Variants in MACROD2 observed in about 807,000 individuals in gnomAD.
MACROD2 encodes mono-ADP ribosylhydrolase 2.
Under a neutral mutation model 70.4 loss-of-function variants are expected in MACROD2, and 36 were observed. The observed-to-expected ratio is 0.51, with a 90% CI of 0.39 to 0.68. MACROD2 has a LOEUF of 0.68. Among genes scored for constraint, MACROD2 ranks in the 30% least tolerant of loss-of-function variants. The pLI, the probability that MACROD2 is intolerant of heterozygous loss-of-function variation, is 0.00. For missense variants in MACROD2, 496 were observed against 538.4 expected, an observed-to-expected ratio of 0.92 and a Z score of 0.78; for synonymous variants, 172 against 178.8, an observed-to-expected ratio of 0.96 and a Z score of 0.30.
chr20:15,463,527 A>G lies in MACROD2; in HGVS notation c.571+32092A>G, dbSNP rs2046845740. On this transcript the variant is annotated intron_variant, in intron 7 of 17. Coordinates refer to ENST00000684519, the MANE Select transcript of MACROD2 (RefSeq NM_001351661.2). ...CACTTTGGGAGGCCAAGGTGGGTGG[A>G]TCACTTGAGGTCGGGAGTTCAAGAC... Among the ~76,000 whole-genome samples the G allele has an allele frequency of 2.6e-5, 4 of 152,204 alleles. No homozygotes were observed. The South Asian group carries it at 8.3e-4, about 32-fold the overall frequency.
intron 2 of MACROD2, chr20:14,003,541 G>C: frequency 3.2e-6 from 1 of 316,422 alleles, no homozygotes; most frequent in East Asian, 8.1e-5. Flanking sequence ...TTTAAGAATG[G>C]TCTGATTCCA....
chr20:14,045,256 C>A (rs548234703), intron 2 of MACROD2, among the ~76,000 whole-genome samples: 3 of 152,262 alleles, frequency 2.0e-5, no homozygotes, highest in African/African-American at 7.2e-5. Context: ...GCTGAAGGGC[C>A]CCTCAAGCGC....
At chr20:15,131,759 T>C (rs998779103) in intron 5 of MACROD2, among the ~76,000 whole-genome samples, 1 of 151,948 alleles carries the variant, frequency 6.6e-6, no homozygotes, top group African/African-American at 2.4e-5. Context: ...GGGGAAAACA[T>C]GTATGTAACA....
At chr20:15,755,729 C>T (rs2051338517) in intron 8 of MACROD2, among the ~76,000 whole-genome samples, 1 of 152,176 alleles carries the variant, frequency 6.6e-6, no homozygotes, top group South Asian at 2.1e-4. Context: ...TGCCTGAAAA[C>T]ATGTGCACTC....
At chr20:14,242,928 C>T (rs73090738) in intron 3 of MACROD2, among the ~76,000 whole-genome samples, 4 of 152,282 alleles carry the variant, frequency 2.6e-5, no homozygotes, top group Non-Finnish European at 5.9e-5. Context: ...CAGATACTAT[C>T]ACGTAAAAGT....
At chr20:14,165,520 T>G (rs1160258770) in intron 3 of MACROD2, among the ~76,000 whole-genome samples, 1 of 152,230 alleles carries the variant, frequency 6.6e-6, no homozygotes, top group African/African-American at 2.4e-5. Context: ...GGGTTCTTCT[T>G]TGTGGAAGAG....
chr20:14,419,946 T>C (rs562647310), intron 3 of MACROD2, among the ~76,000 whole-genome samples: 2 of 152,180 alleles, frequency 1.3e-5, no homozygotes, highest in African/African-American at 2.4e-5. Context: ...TCACTATTGT[T>C]AGTCATTTGT....
At chr20:14,599,676 T>C (rs1051578412) in intron 4 of MACROD2, among the ~76,000 whole-genome samples, 1 of 152,154 alleles carries the variant, frequency 6.6e-6, no homozygotes, top group African/African-American at 2.4e-5. Flanking sequence ...CACAGCCATG[T>C]GCTGTGTGTC....
intron 8 of MACROD2, among the ~76,000 whole-genome samples, chr20:15,800,617 G>A (rs1015853922): frequency 2.6e-5 from 4 of 152,078 alleles, no homozygotes; most frequent in Non-Finnish European, 2.9e-5. Flanking sequence ...GGTGAGGGGC[G>A]CCTCTGCCCG....
chr20:15,000,579 C>T (rs1456239003), intron 5 of MACROD2, among the ~76,000 whole-genome samples: 2 of 119,484 alleles, frequency 1.7e-5, no homozygotes, highest in Non-Finnish European at 3.2e-5. Flanking sequence ...GCCGAGATTG[C>T]GCCACTGCAG....
chr20:15,658,172 G>A (rs895303350), intron 8 of MACROD2, among the ~76,000 whole-genome samples: 3 of 150,066 alleles, frequency 2.0e-5, no homozygotes, highest in African/African-American at 4.9e-5. Flanking sequence ...ACTTGAAAAC[G>A]CTTTTTTAAA....
intron 5 of MACROD2, among the ~76,000 whole-genome samples, chr20:14,872,407 G>A (rs924884180): frequency 6.6e-6 from 1 of 151,972 alleles, no homozygotes; most frequent in African/African-American, 2.4e-5. Context: ...TTAGCTACGT[G>A]CTCAGGAGGG....
chr20:14,212,564 G>A (rs2122137430), intron 3 of MACROD2, among the ~76,000 whole-genome samples: 1 of 152,128 alleles, frequency 6.6e-6, no homozygotes, highest in East Asian at 1.9e-4. Context: ...TTTTGCCAGT[G>A]TATGACAATG....
Position 15,707,887 on chromosome 20 carries a change from A to G in MACROD2, c.646-154858A>G, listed in dbSNP as rs553836097. ...AGATGAGAAAGCAAATGCCATAGAG[A>G]ATAGAGGGTGAAGAGCAAAGGCTGC... On this transcript the variant is annotated intron_variant, in intron 8 of 17. Coordinates refer to ENST00000684519, the MANE Select transcript of MACROD2 (RefSeq NM_001351661.2). 9.9e-5 allele frequency among the ~76,000 whole-genome samples: 15 copies of G among 152,048 alleles called. No homozygotes were observed. In the East Asian group the frequency reaches 2.9e-3, roughly 29 times the overall value.
intron 6 of MACROD2, among the ~76,000 whole-genome samples, chr20:15,303,377 C>A (rs1305571830): frequency 1.6e-4 from 25 of 152,158 alleles, no homozygotes; most frequent in Admixed American, 1.6e-3. Flanking sequence ...CATCTGTGCT[C>A]CTGTATTCCT....
intron 5 of MACROD2, among the ~76,000 whole-genome samples, chr20:15,034,649 A>C (rs1208194939): frequency 6.6e-6 from 1 of 152,172 alleles, no homozygotes; most frequent in Non-Finnish European, 1.5e-5. Flanking sequence ...TATAGCATTC[A>C]ATTTGTTTGC....
intron 12 of MACROD2, among the ~76,000 whole-genome samples, chr20:15,944,579 G>A (rs2065795688): frequency 6.6e-6 from 1 of 151,888 alleles, no homozygotes; most frequent in Admixed American, 6.6e-5. Context: ...ATTTTGAATT[G>A]TTTCTGTGGT....
intron 3 of MACROD2, among the ~76,000 whole-genome samples, chr20:14,290,109 A>G (rs1349946732): frequency 6.6e-6 from 1 of 152,126 alleles, no homozygotes; most frequent in Non-Finnish European, 1.5e-5. Context: ...TTGGTTTGGC[A>G]GTTACCACCA....
chr20:15,810,725 G>A (rs1164918460), intron 8 of MACROD2, among the ~76,000 whole-genome samples: 7 of 152,278 alleles, frequency 4.6e-5, no homozygotes, highest in African/African-American at 1.7e-4. Flanking sequence ...CATGGTACTG[G>A]TACCAAAACA....
Sources: allele counts gnomAD v4.1 joint callset (sites outside exome capture counted in the v4.1 genomes callset), GRCh38; gene constraint gnomAD v4.1.1; transcripts MANE v1.5; gene names NCBI Gene and HGNC (gene_info 2026-07-23, HGNC 2026-07-21).